Variants in HIF1A observed in about 807,000 individuals in gnomAD.
HIF1A encodes the protein hypoxia inducible factor 1 subunit alpha.
Under a neutral mutation model 92.7 loss-of-function variants are expected in HIF1A, and 24 were observed. The ratio of observed to expected loss-of-function variants is 0.26; its 90% CI spans 0.19 to 0.36. The LOEUF (loss-of-function observed/expected upper bound fraction) is 0.36, where lower values mean the gene tolerates loss of function less well. Ranked by LOEUF, HIF1A falls within the 10% of genes least tolerant of loss-of-function variation. HIF1A has a pLI of 1.00. For synonymous variants in HIF1A, 319 were observed against 338.7 expected (o/e 0.94, Z 0.64); for missense variants, 799 against 998.5 (o/e 0.80, Z 2.69).
intron 6 of HIF1A, among the ~76,000 whole-genome samples, chr14:61,727,878 A>T (rs1215117743): frequency 1.3e-5 from 2 of 152,032 alleles, no homozygotes; most frequent in Admixed American, 6.6e-5. Context: ...AAAAAATACA[A>T]AAATTAGTGG....
intron 1 of HIF1A, among the ~76,000 whole-genome samples, chr14:61,696,950 A>G (rs554756079): frequency 2.8e-4 from 42 of 152,324 alleles, no homozygotes; most frequent in African/African-American, 1.0e-3. Flanking sequence ...CAGTGGTGTT[A>G]AGAGCGGACT....
chr14:61,714,759 G>A (rs755686817), intron 1 of HIF1A, among the ~76,000 whole-genome samples: 18 of 152,184 alleles, frequency 1.2e-4, no homozygotes, highest in Non-Finnish European at 2.4e-4. Flanking sequence ...AGGGCCAGGC[G>A]CAGTGGCTCA....
chr14:61,697,671 T>C (rs958635325), intron 1 of HIF1A: 13 of 1,221,170 alleles, frequency 1.1e-5, no homozygotes, highest in Non-Finnish European at 1.2e-5. Context: ...TTTCTTAGTA[T>C]AGAAGTTCTT....
intron 9 of HIF1A, among the ~76,000 whole-genome samples, 174 bp from the exon 10 acceptor site, chr14:61,737,913 G>A (rs1460578434): frequency 6.6e-6 from 1 of 152,074 alleles, no homozygotes; most frequent in Non-Finnish European, 1.5e-5. Context: ...TGTAATCCCA[G>A]CTACTTGGGA....
chr14:61,722,929 A>T (rs2044451300), intron 4 of HIF1A, among the ~76,000 whole-genome samples: 1 of 152,216 alleles, frequency 6.6e-6, no homozygotes, highest in Non-Finnish European at 1.5e-5. Flanking sequence ...ATAATTATTT[A>T]AAAAATCATG....
chr14:61,709,045 G>A (rs1052817067), intron 1 of HIF1A, among the ~76,000 whole-genome samples: 3 of 152,074 alleles, frequency 2.0e-5, no homozygotes, highest in African/African-American at 7.2e-5. Context: ...TTACAGGCAC[G>A]TGGCAACATG....
intron 8 of HIF1A, among the ~76,000 whole-genome samples, chr14:61,735,960 C>T (rs1385037040): frequency 1.3e-5 from 2 of 151,624 alleles, no homozygotes; most frequent in African/African-American, 4.8e-5. Context: ...GCCATTACTA[C>T]TCTTCTCAAA....
chr14:61,748,104 A>G lies in HIF1A; in HGVS notation c.*1019A>G, dbSNP rs1450147761. 6.6e-6 allele frequency: 1 copy of G among 152,514 alleles called. No individual in the cohort carries two copies. The highest frequency in any genetic ancestry group is 2.4e-5 in the African/African-American group (1 of 41,438). The allele number at this position is 152,514 out of a possible 1,614,324, so 9.4% of individuals were successfully genotyped here. ...GATTTCAATAATTGAGTAATTTTAG[A>G]AGCATTATTTTAGGAATATATAGTT... On this transcript the variant is annotated 3_prime_UTR_variant, in exon 15 of 15. Coordinates refer to ENST00000337138, the MANE Select transcript of HIF1A (RefSeq NM_001530.4).
intron 6 of HIF1A, among the ~76,000 whole-genome samples, chr14:61,729,437 G>A (rs2044547414): frequency 6.6e-6 from 1 of 151,388 alleles, no homozygotes; most frequent in Non-Finnish European, 1.5e-5. Flanking sequence ...ACTCCGGCCT[G>A]GGAGACGGAG....
Position 61,743,469 on chromosome 14 carries a change from C to T in HIF1A, c.2094-1236C>T, listed in dbSNP as rs531700770. Among the ~76,000 whole-genome samples, 79 of 152,236 alleles carry T rather than the reference C, an allele frequency of 5.2e-4. No homozygotes were observed. In the South Asian group the frequency reaches 0.013, roughly 25 times the overall value. On this transcript the variant is annotated intron_variant, in intron 12 of 14. Transcript: ENST00000337138. ...AGATAAACCATTAAAAACGTAATTA[C>T]TAAGTACTACTACTACTACAATGAT...
intron 1 of HIF1A, among the ~76,000 whole-genome samples, chr14:61,703,670 T>C (rs2044203623): frequency 6.6e-6 from 1 of 152,038 alleles, no homozygotes; most frequent in South Asian, 2.1e-4. Flanking sequence ...AGTGTCTATA[T>C]ATCAGTTTCC....
At chr14:61,744,994 T>C (rs1271067904) in intron 13 of HIF1A, among the ~76,000 whole-genome samples, 181 bp downstream of exon 13, 1 of 152,242 alleles carries the variant, frequency 6.6e-6, no homozygotes, top group Middle Eastern at 3.2e-3. Context: ...AAATGTTTAA[T>C]ACATACATTC....
At chr14:61,726,063 T>C (rs2044499714) in intron 4 of HIF1A, among the ~76,000 whole-genome samples, 1 of 151,908 alleles carries the variant, frequency 6.6e-6, no homozygotes, top group Non-Finnish European at 1.5e-5. Flanking sequence ...CAAGTGATCC[T>C]CTTGCCTCAG....
rs372384422 is a variant in HIF1A, at chr14:61,740,826, C to T, written c.1731C>T (p.Phe577=). The part of the protein sequence containing the change: ...PMDDDFQLRS[F]DQLSPLESSS... ...ATGATGACTTCCAGTTACGTTCCTT[C>T]GATCAGTTGTCACCATTAGAAAGCA... The change falls in exon 12 of 15, where the codon TTC becomes TTT. Residue 577 remains phenylalanine, a synonymous_variant. Coordinates refer to ENST00000337138, the MANE Select transcript of HIF1A (RefSeq NM_001530.4). 1.2e-5 allele frequency: 19 copies of T among 1,613,864 alleles called. No individual in the cohort carries two copies. In the East Asian group the frequency reaches 1.8e-4, roughly 15 times the overall value.
intron 1 of HIF1A, among the ~76,000 whole-genome samples, chr14:61,702,931 A>G (rs920120135): frequency 6.6e-6 from 1 of 152,184 alleles, no homozygotes; most frequent in Admixed American, 6.5e-5. Flanking sequence ...TCCCATCTAA[A>G]TAGTGAGGAA....
At chr14:61,698,018 G>C (rs1225482759) in intron 1 of HIF1A, 1 of 869,730 alleles carries the variant, frequency 1.1e-6, no homozygotes, top group African/African-American at 1.8e-5. Flanking sequence ...TATAGGGGCT[G>C]AACTTATTTA....
chr14:61,736,865 T>C, intron 8 of HIF1A, 24 bp from the exon 9 acceptor site: 1 of 1,534,482 alleles, frequency 6.5e-7, no homozygotes, highest in Non-Finnish European at 9.0e-7. Context: ...ATTTGTGAAT[T>C]ACCAATTTCT....
At chr14:61,715,555 A>G (rs1273889813) in intron 1 of HIF1A, 1 of 152,216 alleles carries the variant, frequency 6.6e-6, no homozygotes, top group African/African-American at 2.4e-5. Context: ...AGGTTCTACC[A>G]TTTATTAACG....
At chr14:61,712,087 A>C (rs1436340454) in intron 1 of HIF1A, among the ~76,000 whole-genome samples, 1 of 152,210 alleles carries the variant, frequency 6.6e-6, no homozygotes, top group Non-Finnish European at 1.5e-5. Flanking sequence ...CAAGTAAGAT[A>C]TGTACTTAGG....
Sources: allele counts gnomAD v4.1 joint callset (sites outside exome capture counted in the v4.1 genomes callset), GRCh38; gene constraint gnomAD v4.1.1; transcripts MANE v1.5; gene names NCBI Gene and HGNC (gene_info 2026-07-23, HGNC 2026-07-21).